PCSK5: variants seen among roughly 807,000 people sequenced by gnomAD.
The protein encoded by PCSK5 is prohormone convertase 5.
Under a neutral mutation model 233.2 loss-of-function variants are expected in PCSK5, and 129 were observed. That is an observed-to-expected ratio of 0.55 (90% CI 0.48 to 0.64). PCSK5 has a LOEUF of 0.64. PCSK5 is among the 30% of genes least tolerant of loss of function. PCSK5 has a pLI of 0.00. For missense variants in PCSK5, 2,076 were observed against 2,430.1 expected, an observed-to-expected ratio of 0.85 and a Z score of 3.06; for synonymous variants, 825 against 879.2, an observed-to-expected ratio of 0.94 and a Z score of 1.09.
chr9:76,141,727 A>G (rs6560503), intron 10 of PCSK5, among the ~76,000 whole-genome samples: 18,167 of 152,044 alleles, frequency 0.12, 1,675 homozygotes, highest in African/African-American at 0.26. Context: ...ATTATTTGAA[A>G]CTGGCTTCTT....
At chr9:76,066,487 A>C (rs1830291431) in intron 5 of PCSK5, among the ~76,000 whole-genome samples, 3 of 152,184 alleles carry the variant, frequency 2.0e-5, no homozygotes, top group African/African-American at 7.2e-5. Flanking sequence ...TCTGTACTCA[A>C]GATTGTTCTT....
At chr9:75,957,384 A>T (rs1825140900) in intron 2 of PCSK5, among the ~76,000 whole-genome samples, 1 of 152,178 alleles carries the variant, frequency 6.6e-6, no homozygotes, top group Non-Finnish European at 1.5e-5. Context: ...CACAGAATGG[A>T]ATGTGCTGTA....
rs375120635 is a variant in PCSK5, at chr9:76,135,887, G to A, written c.1312+1675G>A. 3.3e-5 allele frequency among the ~76,000 whole-genome samples: 5 copies of A among 152,168 alleles called. No individual in the cohort carries two copies. The East Asian group carries it at 7.7e-4, about 24-fold the overall frequency. On this transcript the variant is annotated intron_variant, in intron 10 of 37. Coordinates refer to ENST00000674117, the MANE Select transcript of PCSK5 (RefSeq NM_001372043.1). ...ATTCCTTTTTGGCAATTTAAAAAGA[G>A]CAAATGGTTCTAACAAAAATGCAGC... is the stretch of plus-strand genomic sequence containing the variant.
intron 5 of PCSK5, among the ~76,000 whole-genome samples, chr9:76,064,329 T>C (rs1830177121): frequency 1.1e-5 from 1 of 94,666 alleles, no homozygotes; most frequent in Non-Finnish European, 2.1e-5. Context: ...GCCCCTCACC[T>C]CCCGGACGGG....
At chr9:76,243,874 A>G (rs911356238) in intron 24 of PCSK5, among the ~76,000 whole-genome samples, 7 of 152,254 alleles carry the variant, frequency 4.6e-5, no homozygotes, top group African/African-American at 1.7e-4. Flanking sequence ...TGTTTTCTCT[A>G]ATCAAACTTT....
intron 13 of PCSK5, among the ~76,000 whole-genome samples, chr9:76,173,975 A>G (rs998154124): frequency 2.6e-5 from 4 of 152,248 alleles, no homozygotes; most frequent in South Asian, 2.1e-4. Flanking sequence ...TCAAAAAAAA[A>G]GAAAGAAAAT....
chr9:76,231,851 C>A (rs773312924), intron 21 of PCSK5, among the ~76,000 whole-genome samples: 2 of 152,176 alleles, frequency 1.3e-5, no homozygotes, highest in Non-Finnish European at 2.9e-5. Flanking sequence ...GGGACTCATA[C>A]TCTGCAGTGG....
At chr9:76,110,967 C>T (rs909906348) in intron 9 of PCSK5, among the ~76,000 whole-genome samples, 15 of 152,018 alleles carry the variant, frequency 9.9e-5, no homozygotes, top group Admixed American at 3.9e-4. Flanking sequence ...ATTAGCCAGG[C>T]GTGGTAGCAT....
chr9:76,056,758 G>T (rs979854958), intron 5 of PCSK5, among the ~76,000 whole-genome samples: 4 of 152,152 alleles, frequency 2.6e-5, no homozygotes, highest in Non-Finnish European at 1.5e-5. Context: ...TGACAGTAAT[G>T]ACAGTATCCT....
At chr9:76,343,683 G>A (rs10781357) in intron 35 of PCSK5, among the ~76,000 whole-genome samples, 59,075 of 151,698 alleles carry the variant, frequency 0.39, 12,062 homozygotes, top group East Asian at 0.75. Flanking sequence ...TCTCCAGCCT[G>A]CTTTGCATGG....
intron 24 of PCSK5, among the ~76,000 whole-genome samples, chr9:76,283,105 C>T (rs1355172939): frequency 6.6e-6 from 1 of 152,192 alleles, no homozygotes; most frequent in Non-Finnish European, 1.5e-5. Context: ...AAGATGGAAA[C>T]TTCTCCTGGT....
intron 1 of PCSK5, among the ~76,000 whole-genome samples, chr9:75,923,548 A>G (rs1823346977): frequency 6.6e-6 from 1 of 152,190 alleles, no homozygotes; most frequent in Non-Finnish European, 1.5e-5. Flanking sequence ...GGATTCCTGA[A>G]AATTATGAAG....
chr9:75,923,608 CT>C (rs778120206), intron 1 of PCSK5, among the ~76,000 whole-genome samples: 2 of 152,240 alleles, frequency 1.3e-5, no homozygotes, highest in East Asian at 1.9e-4. Context: ...ATTTCCTTTT[CT>C]TTTGGGTGTC....
At position 76,351,512 on chromosome 9, in the gene PCSK5, GA is replaced by G. The variant is rs1464669277; in HGVS notation, c.5067+587del. On this transcript the variant is annotated intron_variant, in intron 36 of 37. Transcript: ENST00000674117. Reference sequence around the variant, plus strand: ...AGAAAGAAAGAAAGAAAGAAAGAAAGAAAGAAAGAAAGAAAGAAAGGAAGGA... The same window carrying G: ...AGAAAGAAAGAAAGAAAGAAAGAAAGAAGAAAGAAAGAAAGAAAGGAAGGA... Among the ~76,000 whole-genome samples the G allele has an allele frequency of 5.0e-4, 55 of 108,998 alleles. 2 individuals carry two copies. The highest frequency in any genetic ancestry group is 9.0e-4 in the East Asian group (3 of 3,324). The allele number at this position is 108,998 out of a possible 152,430, so 71.5% of individuals were successfully genotyped here.
At chr9:76,023,960 T>A in intron 4 of PCSK5, 79 bp downstream of exon 4, 1 of 1,318,998 alleles carries the variant, frequency 7.6e-7, no homozygotes, top group Admixed American at 2.2e-5. Flanking sequence ...AAAAGGTGGA[T>A]AGCTACTGAA....
chr9:76,327,190 T>C (rs1318304638), intron 32 of PCSK5, among the ~76,000 whole-genome samples: 1 of 151,174 alleles, frequency 6.6e-6, no homozygotes, highest in African/African-American at 2.4e-5. Flanking sequence ...CACTGCAGCC[T>C]TGACCTCCTG....
intron 12 of PCSK5, among the ~76,000 whole-genome samples, chr9:76,166,853 A>T (rs1011574006): frequency 9.2e-5 from 14 of 152,154 alleles, no homozygotes; most frequent in Non-Finnish European, 2.1e-4. Flanking sequence ...TCTCTGTTAG[A>T]AAGGGCAGTT....
In PCSK5 at chr9:75,931,889, C is replaced by T. The variant is rs1005580708; in HGVS notation, c.193-490C>T. On this transcript the variant is annotated intron_variant, in intron 1 of 37. Coordinates refer to ENST00000674117, the MANE Select transcript of PCSK5 (RefSeq NM_001372043.1). ...ACTGTCTACAGAAGTCACAAACAAA[C>T]GAAGTCATGTTATCTTTGTGAATGA... Among the ~76,000 whole-genome samples the T allele has an allele frequency of 6.6e-5, 10 of 152,002 alleles. No homozygotes were observed. In the East Asian group the frequency reaches 7.7e-4, roughly 12 times the overall value.
At chr9:75,967,818 A>G (rs923504524) in intron 2 of PCSK5, among the ~76,000 whole-genome samples, 3 of 150,888 alleles carry the variant, frequency 2.0e-5, no homozygotes, top group African/African-American at 7.3e-5. Flanking sequence ...CTGGAGTGCA[A>G]TGGTATGATC....
Sources: gnomAD v4.1 joint callset for allele counts (sites outside exome capture counted in the v4.1 genomes callset) on GRCh38, gnomAD v4.1.1 for gene constraint, MANE v1.5 for transcripts, NCBI Gene and HGNC (gene_info 2026-07-23, HGNC 2026-07-21) for gene names.